GPATCH2L: variants seen among roughly 807,000 people sequenced by gnomAD.
GPATCH2L encodes the protein G patch domain-containing protein 2-like.
GPATCH2L carries 31 observed loss-of-function variants against 57.4 expected under a neutral mutation model. The observed-to-expected ratio is 0.54, with a 90% CI of 0.41 to 0.73. GPATCH2L has a LOEUF of 0.73. Among genes scored for constraint, GPATCH2L ranks in the 30% least tolerant of loss-of-function variants. The probability of loss-of-function intolerance (pLI) is 0.00; values close to 1 mark genes in which losing one functional copy is unlikely to be tolerated. For synonymous variants in GPATCH2L, 199 were observed against 210.7 expected, an observed-to-expected ratio of 0.94 and a Z score of 0.48; for missense variants, 481 against 599.9, an observed-to-expected ratio of 0.80 and a Z score of 2.07.
At chr14:76,161,279 T>C (rs2038569144) in intron 2 of GPATCH2L, among the ~76,000 whole-genome samples, 1 of 151,950 alleles carries the variant, frequency 6.6e-6, no homozygotes, top group Admixed American at 6.6e-5. Context: ...TGCATTATTA[T>C]TTACTAAGAA....
intron 2 of GPATCH2L, among the ~76,000 whole-genome samples, chr14:76,155,235 A>C (rs1424582368): frequency 6.6e-6 from 1 of 152,242 alleles, no homozygotes; most frequent in Non-Finnish European, 1.5e-5. Flanking sequence ...TAATAGAAAC[A>C]CAGTTGTTTC....
intron 2 of GPATCH2L, among the ~76,000 whole-genome samples, chr14:76,158,253 A>G (rs1251470189): frequency 6.6e-6 from 1 of 152,220 alleles, no homozygotes; most frequent in Non-Finnish European, 1.5e-5. Context: ...TTGGAAGGCA[A>G]GTGACAGAGA....
intron 2 of GPATCH2L, among the ~76,000 whole-genome samples, chr14:76,157,672 C>CA (rs1555373719): frequency 3.4e-5 from 3 of 87,768 alleles, no homozygotes; most frequent in African/African-American, 9.8e-5. Flanking sequence ...TCAATGGTAG[C>CA]GTTTTTTTTT....
chr14:76,232,416 C>T (rs1265716713), intron 2 of GPATCH2L, among the ~76,000 whole-genome samples: 1 of 152,192 alleles, frequency 6.6e-6, no homozygotes, highest in Non-Finnish European at 1.5e-5. Context: ...TCTCCTGCCT[C>T]AGCCTCCTGA....
intron 7 of GPATCH2L, chr14:76,179,244 T>C (rs2139706198): frequency 6.6e-6 from 1 of 152,334 alleles, no homozygotes; most frequent in South Asian, 2.1e-4. Flanking sequence ...TTAAGTTATG[T>C]ATTATAGTGT....
rs906063754 is a variant in GPATCH2L, at chr14:76,214,185, C to T, written c.*12334C>T. The T allele has an allele frequency of 5.3e-5, 8 of 152,122 alleles. No individual in the cohort carries two copies. The highest frequency in any genetic ancestry group is 1.2e-4 in the Non-Finnish European group (8 of 68,008). 9.4% of individuals were successfully genotyped at this position (152,122 alleles called of 1,614,324 possible). On this transcript the variant is annotated 3_prime_UTR_variant, in exon 10 of 10. Coordinates refer to ENST00000261530, the MANE Select transcript of GPATCH2L (RefSeq NM_017926.4). ...TAACTGATTTAGAGAGAACTAACAT[C>T]TTTAAAATGTGGTGTCATCCTATCC...
chr14:76,176,972 A>ATT (rs201242940), intron 6 of GPATCH2L, among the ~76,000 whole-genome samples: 6 of 149,382 alleles, frequency 4.0e-5, no homozygotes, highest in African/African-American at 1.2e-4. Flanking sequence ...CTGTCCCTAA[A>ATT]TTTTTTTTTT....
intron 8 of GPATCH2L, among the ~76,000 whole-genome samples, chr14:76,186,208 C>G (rs939117043): frequency 3.3e-5 from 5 of 151,658 alleles, no homozygotes; most frequent in Non-Finnish European, 5.9e-5. Context: ...CTTAAATGAC[C>G]TCAAATGGTC....
Position 76,152,533 on chromosome 14 carries a change from C to A in GPATCH2L, c.-11+542C>A, listed in dbSNP as rs980133156. The A allele has an allele frequency of 1.5e-5, 6 of 393,674 alleles. No homozygotes were observed. In the East Asian group the frequency reaches 4.3e-4, roughly 28 times the overall value. The allele number at this position is 393,674 out of a possible 1,614,324, so 24.4% of individuals were successfully genotyped here. A position where few individuals can be genotyped will look rare whatever the true frequency, so the allele number is the denominator to read the frequency against. On this transcript the variant is annotated intron_variant, in intron 1 of 9. Transcript: ENST00000261530. ...GTCTCTCTTCTTACTTGCTGTCCAC[C>A]AGCTACCCGTTCCTTCCTGTGCGTG...
At chr14:76,185,112 G>T (rs1214416235) in intron 8 of GPATCH2L, among the ~76,000 whole-genome samples, 1 of 152,202 alleles carries the variant, frequency 6.6e-6, no homozygotes, top group Non-Finnish European at 1.5e-5. Context: ...CCAGCACATA[G>T]TTCTTAATAA....
At chr14:76,218,594 G>C (rs898229720), downstream of GPATCH2L, among the ~76,000 whole-genome samples, 1 of 151,620 alleles carries the variant, frequency 6.6e-6, no homozygotes, top group Non-Finnish European at 1.5e-5. Flanking sequence ...CACTTCTCTC[G>C]ATTTACAAAT....
intron 1 of GPATCH2L, among the ~76,000 whole-genome samples, chr14:76,228,687 G>T (rs921685595): frequency 2.0e-5 from 3 of 152,130 alleles, no homozygotes; most frequent in African/African-American, 7.2e-5. Context: ...ATCATTTTTG[G>T]TGCCCACTCC....
In GPATCH2L at chr14:76,207,602, A is replaced by G. The variant is rs2040393897; in HGVS notation, c.*5751A>G. 1 of 152,160 alleles carries G rather than the reference A, an allele frequency of 6.6e-6. No homozygotes were observed. Among genetic ancestry groups the G allele is most frequent in the Non-Finnish European group, 1.5e-5 (1 of 68,020 alleles). The allele number at this position is 152,160 out of a possible 1,614,324, so 9.4% of individuals were successfully genotyped here. On this transcript the variant is annotated 3_prime_UTR_variant, in exon 10 of 10. Coordinates refer to ENST00000261530, the MANE Select transcript of GPATCH2L (RefSeq NM_017926.4). ...AATAAATACCTGTTGAGTTATTGGT[A>G]ATCTCTTGCTAGGACTGAATCTCAG...
chr14:76,221,169 G>GAA (rs369343411), intron 1 of GPATCH2L, among the ~76,000 whole-genome samples: 3,384 of 119,378 alleles, frequency 0.028, 116 homozygotes, highest in African/African-American at 0.098. Flanking sequence ...TCAGCAATAA[G>GAA]AAAAAAAAAA....
At chr14:76,221,043 T>A (rs539081791) in intron 1 of GPATCH2L, among the ~76,000 whole-genome samples, 16 of 140,608 alleles carry the variant, frequency 1.1e-4, no homozygotes, top group African/African-American at 3.4e-4. Context: ...AAGACTGATT[T>A]AAAAAAAAAA....
At chr14:76,184,929 T>C (rs1321601476) in intron 8 of GPATCH2L, among the ~76,000 whole-genome samples, 3 of 152,260 alleles carry the variant, frequency 2.0e-5, no homozygotes, top group Non-Finnish European at 4.4e-5. Flanking sequence ...GCATATGGTT[T>C]TGTGACTGGT....
intron 2 of GPATCH2L, among the ~76,000 whole-genome samples, chr14:76,161,238 A>G (rs2038567046): frequency 6.6e-6 from 1 of 152,218 alleles, no homozygotes; most frequent in Non-Finnish European, 1.5e-5. Flanking sequence ...ACGTTTTTCT[A>G]AATTCTGAAA....
At chr14:76,191,539 A>G (rs1363116211) in intron 8 of GPATCH2L, among the ~76,000 whole-genome samples, 1 of 152,128 alleles carries the variant, frequency 6.6e-6, no homozygotes, top group Non-Finnish European at 1.5e-5. Context: ...GTGCCGTGCC[A>G]CATGACAGCT....
rs1393876298 is a variant in GPATCH2L, at chr14:76,206,480, CT to C, written c.*4631del. The C allele has an allele frequency of 6.6e-6, 1 of 152,138 alleles. No individual in the cohort carries two copies. The highest frequency in any genetic ancestry group is 1.5e-5 in the Non-Finnish European group (1 of 68,040). 9.4% of individuals were successfully genotyped at this position (152,138 alleles called of 1,614,324 possible). A position where few individuals can be genotyped will look rare whatever the true frequency, so the allele number is the denominator to read the frequency against. ...TCACTGCGAGTAGACATCATAAATGCTTGGTAAAATTGCCAGATTTAGGGAA... is the reference window on the plus strand; with the variant it reads ...TCACTGCGAGTAGACATCATAAATGCTGGTAAAATTGCCAGATTTAGGGAA... On this transcript the variant is annotated 3_prime_UTR_variant, in exon 10 of 10. Coordinates refer to ENST00000261530, the MANE Select transcript of GPATCH2L (RefSeq NM_017926.4).
Sources: gnomAD v4.1 joint callset for allele counts (sites outside exome capture counted in the v4.1 genomes callset) on GRCh38, gnomAD v4.1.1 for gene constraint, MANE v1.5 for transcripts, NCBI Gene and HGNC (gene_info 2026-07-23, HGNC 2026-07-21) for gene names.